Variants in DSCAM observed in about 807,000 individuals in gnomAD.
DSCAM encodes DS cell adhesion molecule, also known as cell adhesion molecule DSCAM.
Under a neutral mutation model 217.7 loss-of-function variants are expected in DSCAM, and 47 were observed. That is an observed-to-expected ratio of 0.22 (90% CI 0.17 to 0.28). DSCAM has a LOEUF of 0.28. Among genes scored for constraint, DSCAM ranks in the 10% least tolerant of loss-of-function variants. The pLI, the probability that DSCAM is intolerant of heterozygous loss-of-function variation, is 1.00. For missense variants in DSCAM, 2,080 were observed against 2,618.3 expected (o/e 0.79, Z 4.49); for synonymous variants, 1,056 against 1,015.3 (o/e 1.04, Z -0.76).
intron 3 of DSCAM, among the ~76,000 whole-genome samples, chr21:40,545,847 T>A (rs1445371234): frequency 6.6e-6 from 1 of 152,162 alleles, no homozygotes; most frequent in African/African-American, 2.4e-5. Context: ...AGCCAGTCTG[T>A]CACTGAGAAA....
At chr21:40,198,150 G>A (rs1007493977) in intron 11 of DSCAM, among the ~76,000 whole-genome samples, 1 of 152,162 alleles carries the variant, frequency 6.6e-6, no homozygotes, top group Non-Finnish European at 1.5e-5. Context: ...TTAAGCAGAC[G>A]AGACTGGCTA....
chr21:40,037,426 A>G (rs1375867971), intron 32 of DSCAM, among the ~76,000 whole-genome samples: 8 of 144,102 alleles, frequency 5.6e-5, no homozygotes, highest in Admixed American at 6.9e-5. Context: ...ATTGCTTCAA[A>G]GAGAATAAAA....
At chr21:40,089,556 T>C (rs541144511) in intron 21 of DSCAM, among the ~76,000 whole-genome samples, 1 of 152,264 alleles carries the variant, frequency 6.6e-6, no homozygotes, top group African/African-American at 2.4e-5. Context: ...AAAGCAGTGG[T>C]CCTCCTCTTC....
chr21:40,384,332 G>A (rs1388758827), intron 3 of DSCAM, among the ~76,000 whole-genome samples: 1 of 152,182 alleles, frequency 6.6e-6, no homozygotes, highest in East Asian at 1.9e-4. Context: ...AGAAGGCCTG[G>A]CGTGGTGGCT....
At chr21:40,508,925 T>C (rs1393558386) in intron 3 of DSCAM, among the ~76,000 whole-genome samples, 2 of 150,372 alleles carry the variant, frequency 1.3e-5, no homozygotes, top group African/African-American at 4.9e-5. Flanking sequence ...GCATGAGCCA[T>C]TGTGTCCAGC....
chr21:40,319,467 T>C (rs1344644814), intron 8 of DSCAM, among the ~76,000 whole-genome samples: 1 of 150,016 alleles, frequency 6.7e-6, no homozygotes, highest in African/African-American at 2.5e-5. Flanking sequence ...GTGTGTGACA[T>C]TCTCTTTATC....
At chr21:40,131,035 A>C (rs905054516) in intron 19 of DSCAM, among the ~76,000 whole-genome samples, 1 of 152,244 alleles carries the variant, frequency 6.6e-6, no homozygotes, top group Non-Finnish European at 1.5e-5. Flanking sequence ...AGCCTAAAAT[A>C]GTATCTTATT....
intron 10 of DSCAM, among the ~76,000 whole-genome samples, chr21:40,278,805 T>C (rs2073723233): frequency 6.6e-6 from 1 of 152,132 alleles, no homozygotes; most frequent in South Asian, 2.1e-4. Flanking sequence ...AATTGATCTT[T>C]GTCCTAGCAT....
chr21:40,772,816 C>T (rs1302029354), intron 1 of DSCAM, among the ~76,000 whole-genome samples: 1 of 152,212 alleles, frequency 6.6e-6, no homozygotes, highest in African/African-American at 2.4e-5. Context: ...GACCAGGGCC[C>T]GTAACAAATT....
At chr21:40,183,163 C>T (rs1882789) in intron 14 of DSCAM, among the ~76,000 whole-genome samples, 2 of 143,988 alleles carry the variant, frequency 1.4e-5, no homozygotes, top group Non-Finnish European at 3.0e-5. Context: ...GGAGATGGCC[C>T]CCACAGGAAC....
intron 9 of DSCAM, among the ~76,000 whole-genome samples, chr21:40,306,157 C>T (rs960900822): frequency 6.0e-4 from 90 of 151,064 alleles, no homozygotes; most frequent in Non-Finnish European, 1.1e-3. Context: ...AGGTCCTTCA[C>T]ATCCCTTGTA....
intron 11 of DSCAM, among the ~76,000 whole-genome samples, chr21:40,229,589 TA>T (rs1234783581): frequency 6.6e-6 from 1 of 152,336 alleles, no homozygotes; most frequent in East Asian, 1.9e-4. Flanking sequence ...CAGAATGTCA[TA>T]AAAATGGAGT....
chr21:40,483,580 A>C (rs2076000845), intron 3 of DSCAM, among the ~76,000 whole-genome samples: 1 of 152,074 alleles, frequency 6.6e-6, no homozygotes, highest in South Asian at 2.1e-4. Flanking sequence ...TTTTCTTTTT[A>C]TTTTCCTGTA....
At chr21:40,692,105 A>T (rs771432771) in intron 3 of DSCAM, among the ~76,000 whole-genome samples, 11 of 152,246 alleles carry the variant, frequency 7.2e-5, no homozygotes, top group Non-Finnish European at 1.2e-4. Context: ...AAAGCAGCCA[A>T]CACATTTTGA....
intron 3 of DSCAM, among the ~76,000 whole-genome samples, chr21:40,409,107 A>T (rs2075301862): frequency 6.6e-6 from 1 of 152,246 alleles, no homozygotes; most frequent in Admixed American, 6.5e-5. Context: ...GTGTATTTTC[A>T]AAACTGCTCC....
chr21:40,056,537 C>T (rs1377814459), intron 28 of DSCAM, among the ~76,000 whole-genome samples: 1 of 141,156 alleles, frequency 7.1e-6, no homozygotes, highest in South Asian at 2.2e-4. Flanking sequence ...CAGTTATAGC[C>T]TGCAGTTAAA....
chr21:40,593,638 A>T (rs572647304), intron 3 of DSCAM, among the ~76,000 whole-genome samples: 1 of 152,296 alleles, frequency 6.6e-6, no homozygotes, highest in African/African-American at 2.4e-5. Context: ...GAGCCACTAT[A>T]CCAGGCTATG....
chr21:40,401,874 T>C (rs2045151826), intron 3 of DSCAM, among the ~76,000 whole-genome samples: 2 of 151,896 alleles, frequency 1.3e-5, no homozygotes, highest in South Asian at 4.2e-4. Flanking sequence ...CAGCTCTCCT[T>C]CCTCTTTCTC....
chr21:40,074,518 C>T (rs982215547), intron 27 of DSCAM, among the ~76,000 whole-genome samples: 1 of 152,180 alleles, frequency 6.6e-6, no homozygotes, highest in African/African-American at 2.4e-5. Context: ...CTGGCTTCTC[C>T]AGCCTTCATT....
Sources: gnomAD v4.1 joint callset for allele counts (sites outside exome capture counted in the v4.1 genomes callset) on GRCh38, gnomAD v4.1.1 for gene constraint, MANE v1.5 for transcripts, NCBI Gene and HGNC (gene_info 2026-07-23, HGNC 2026-07-21) for gene names.